SYNDIG1: variants seen among roughly 807,000 people sequenced by gnomAD.
SYNDIG1 encodes the protein synapse differentiation-inducing gene protein 1.
Under a neutral mutation model 19.4 loss-of-function variants are expected in SYNDIG1, and 9 were observed. The observed-to-expected ratio is 0.46, with a 90% confidence interval of 0.28 to 0.81. The LOEUF (loss-of-function observed/expected upper bound fraction) is 0.81. SYNDIG1 is among the 30% of genes least tolerant of loss of function. SYNDIG1 has a pLI of 0.12. For missense variants in SYNDIG1, 311 were observed against 343.3 expected, an observed-to-expected ratio of 0.91 and a Z score of 0.74; for synonymous variants, 141 against 145.9, an observed-to-expected ratio of 0.97 and a Z score of 0.24.
rs558892556 is a variant in SYNDIG1, at chr20:24,650,079, C to A, written c.619-15267C>A. Among the ~76,000 whole-genome samples the A allele has an allele frequency of 5.9e-5, 9 of 152,304 alleles. No homozygotes were observed. The East Asian group carries it at 1.5e-3, about 26-fold the overall frequency. On this transcript the variant is annotated intron_variant, in intron 3 of 3. Transcript: ENST00000376862. ...GCCCTGGGTCACAGTTACCTACTAA[C>A]CCAAAATAGGGGTAGCATGCAGGCA... is the stretch of plus-strand genomic sequence containing the variant.
chr20:24,478,548 T>C (rs4813516), intron 1 of SYNDIG1, among the ~76,000 whole-genome samples: 151,474 of 152,358 alleles, frequency 0.99, 75,303 homozygotes, highest in East Asian at 1. Context: ...CCACTGTACT[T>C]AGTTTTCTTG....
chr20:24,541,299 G>A (rs536423114), intron 1 of SYNDIG1, among the ~76,000 whole-genome samples: 16 of 152,272 alleles, frequency 1.1e-4, no homozygotes, highest in African/African-American at 3.6e-4. Context: ...AGAATATGTT[G>A]TATACCTACT....
intron 1 of SYNDIG1, among the ~76,000 whole-genome samples, chr20:24,536,191 T>TG (rs2057358427): frequency 6.6e-6 from 1 of 152,170 alleles, no homozygotes; most frequent in Non-Finnish European, 1.5e-5. Flanking sequence ...AGGCCTGAGC[T>TG]GGGCAGCCTG....
At chr20:24,602,990 C>T (rs762477105) in intron 3 of SYNDIG1, among the ~76,000 whole-genome samples, 5 of 152,078 alleles carry the variant, frequency 3.3e-5, no homozygotes, top group African/African-American at 4.8e-5. Context: ...ACAATGCTAT[C>T]GAGGCTAATG....
chr20:24,567,059 T>C (rs996055347), intron 2 of SYNDIG1, among the ~76,000 whole-genome samples: 1 of 152,224 alleles, frequency 6.6e-6, no homozygotes, highest in Admixed American at 6.5e-5. Flanking sequence ...CTCTTCTTGT[T>C]GCTGGACTTT....
chr20:24,581,607 T>C (rs1271709921), intron 2 of SYNDIG1, among the ~76,000 whole-genome samples: 2 of 151,944 alleles, frequency 1.3e-5, no homozygotes, highest in Non-Finnish European at 2.9e-5. Context: ...ATGTTTTCAG[T>C]GAGGGATGGA....
At chr20:24,537,624 C>G (rs1397238632) in intron 1 of SYNDIG1, among the ~76,000 whole-genome samples, 1 of 152,120 alleles carries the variant, frequency 6.6e-6, no homozygotes, top group East Asian at 1.9e-4. Flanking sequence ...TCAGAGATGA[C>G]CACAGGTAAT....
intron 1 of SYNDIG1, among the ~76,000 whole-genome samples, chr20:24,514,913 A>G (rs1024537077): frequency 6.6e-6 from 1 of 152,250 alleles, no homozygotes; most frequent in African/African-American, 2.4e-5. Flanking sequence ...AACAGAAATT[A>G]TAACAAACTG....
At chr20:24,579,312 T>A (rs2058284012) in intron 2 of SYNDIG1, among the ~76,000 whole-genome samples, 1 of 152,222 alleles carries the variant, frequency 6.6e-6, no homozygotes, top group African/African-American at 2.4e-5. Flanking sequence ...TTCGAGCTGC[T>A]GAAGTCTTGC....
At chr20:24,659,485 G>A (rs779195501) in intron 3 of SYNDIG1, among the ~76,000 whole-genome samples, 1 of 152,252 alleles carries the variant, frequency 6.6e-6, no homozygotes, top group African/African-American at 2.4e-5. Flanking sequence ...CATCAATGCT[G>A]CAGCATCCTG....
At chr20:24,494,080 C>G (rs1419546660) in intron 1 of SYNDIG1, among the ~76,000 whole-genome samples, 3 of 152,004 alleles carry the variant, frequency 2.0e-5, no homozygotes, top group Non-Finnish European at 1.5e-5. Flanking sequence ...GAGGGAGGAT[C>G]TGGGAGAGAA....
At chr20:24,604,632 G>GA (rs1348050391) in intron 3 of SYNDIG1, among the ~76,000 whole-genome samples, 1 of 152,144 alleles carries the variant, frequency 6.6e-6, no homozygotes, top group Admixed American at 6.5e-5. Context: ...GAAAAATCAT[G>GA]AAAAATCCGC....
chr20:24,582,680 T>C (rs1402065484), intron 2 of SYNDIG1, among the ~76,000 whole-genome samples: 3 of 152,060 alleles, frequency 2.0e-5, no homozygotes, highest in Non-Finnish European at 2.9e-5. Flanking sequence ...GCTGTTCCAC[T>C]TTTTTTCCCC....
chr20:24,537,932 G>A (rs896472438), intron 1 of SYNDIG1, among the ~76,000 whole-genome samples: 1 of 152,092 alleles, frequency 6.6e-6, no homozygotes, highest in African/African-American at 2.4e-5. Flanking sequence ...TCAGCGCACA[G>A]TCTTCTTTTC....
intron 1 of SYNDIG1, among the ~76,000 whole-genome samples, chr20:24,538,065 A>G (rs2057397141): frequency 6.6e-6 from 1 of 151,946 alleles, no homozygotes. Flanking sequence ...TCTTCTTTTT[A>G]TGTTTTATTT....
intron 1 of SYNDIG1, among the ~76,000 whole-genome samples, chr20:24,535,482 T>G (rs1405597306): frequency 6.6e-6 from 1 of 152,204 alleles, no homozygotes; most frequent in Non-Finnish European, 1.5e-5. Flanking sequence ...TGTCTCTAGG[T>G]GTCAACCTTA....
At chr20:24,520,664 G>T (rs1045412863) in intron 1 of SYNDIG1, among the ~76,000 whole-genome samples, 1 of 149,286 alleles carries the variant, frequency 6.7e-6, no homozygotes, top group African/African-American at 2.5e-5. Context: ...GTGTACTCCA[G>T]CCTGCGTAAC....
intron 1 of SYNDIG1, among the ~76,000 whole-genome samples, chr20:24,476,888 A>G (rs1408422700): frequency 1.3e-5 from 2 of 152,016 alleles, no homozygotes; most frequent in African/African-American, 2.4e-5. Flanking sequence ...TCCTTCTGCC[A>G]TCTGCCATGG....
chr20:24,627,574 G>T (rs1357688881), intron 3 of SYNDIG1, among the ~76,000 whole-genome samples: 1 of 152,246 alleles, frequency 6.6e-6, no homozygotes, highest in African/African-American at 2.4e-5. Context: ...CTGCACTTCA[G>T]AAAACATTCT....
Sources: allele counts gnomAD v4.1 joint callset (sites outside exome capture counted in the v4.1 genomes callset), GRCh38; gene constraint gnomAD v4.1.1; transcripts MANE v1.5; gene names NCBI Gene and HGNC (gene_info 2026-07-23, HGNC 2026-07-21).